GALNT9: variants seen among roughly 807,000 people sequenced by gnomAD.
GALNT9 encodes the protein GalNAc transferase 9.
Under a neutral mutation model 63.1 loss-of-function variants are expected in GALNT9, and 47 were observed. The observed-to-expected ratio is 0.75, with a 90% CI of 0.59 to 0.95. GALNT9 has a LOEUF of 0.95. Ranked by LOEUF, GALNT9 falls within the 40% of genes least tolerant of loss-of-function variation. The pLI is 0.00. For missense variants in GALNT9, 829 were observed against 874.8 expected (o/e 0.95, Z 0.66); for synonymous variants, 396 against 365.7 (o/e 1.08, Z -0.94).
intron 1 of GALNT9, among the ~76,000 whole-genome samples, chr12:132,302,789 C>T (rs1392224097): frequency 2.8e-4 from 42 of 152,282 alleles, no homozygotes; most frequent in Admixed American, 2.4e-3. Context: ...GCATGCAGGT[C>T]AGGGCTGTGG....
At chr12:132,235,219 C>T (rs1242042802) in intron 6 of GALNT9, among the ~76,000 whole-genome samples, 7 of 152,072 alleles carry the variant, frequency 4.6e-5, no homozygotes, top group Non-Finnish European at 7.4e-5. Context: ...GAGGAGACAG[C>T]GTGGAGCTGG....
At chr12:132,230,981 CGATGGAGTGA>C (rs1877870411) in intron 6 of GALNT9, among the ~76,000 whole-genome samples, 1 of 151,888 alleles carries the variant, frequency 6.6e-6, no homozygotes, top group African/African-American at 2.4e-5. Context: ...GCCACACACT[CGATGGAGTGA>C]CAGAGGAGAC....
In GALNT9 at chr12:132,229,006, G is replaced by A. The variant is rs962011560; in HGVS notation, c.1077+18904C>T. On this transcript the variant is annotated intron_variant, in intron 6 of 10. Coordinates refer to ENST00000328957, the MANE Select transcript of GALNT9 (RefSeq NM_001122636.2). ...CCGCCGGTGTGGACGGGTTAGACAC[G>A]GGTGCACAGGAGCCAGGGGCAGAAC... Among the ~76,000 whole-genome samples, 1,450 of 152,230 alleles carry A rather than the reference G, an allele frequency of 9.5e-3. 22 individuals carry two copies. The highest frequency in any genetic ancestry group is 0.033 in the African/African-American group (1,368 of 41,534).
At chr12:132,314,360 C>A (rs782253118) in intron 1 of GALNT9, among the ~76,000 whole-genome samples, 2 of 152,096 alleles carry the variant, frequency 1.3e-5, no homozygotes, top group African/African-American at 4.8e-5. Flanking sequence ...TCTTTGCTAA[C>A]TTTTCTGGGA....
rs1881077156 is a variant in GALNT9, at chr12:132,296,358, A to G, written c.239-9928T>C. ...TGGGATCCAAGAGCAGGAGATGCCC[A>G]CGCTCACCACCCCATCCACTGATGG... is the stretch of plus-strand genomic sequence containing the variant. On this transcript the variant is annotated intron_variant, in intron 1 of 10. Coordinates refer to ENST00000328957, the MANE Select transcript of GALNT9 (RefSeq NM_001122636.2). This position sits in a 1 kb window ranked among gnomAD's most constrained non-coding sequence, Gnocchi z 4.2. Among the ~76,000 whole-genome samples, 1 of 152,202 alleles carries G rather than the reference A, an allele frequency of 6.6e-6. No homozygotes were observed. Among genetic ancestry groups the G allele is most frequent in the African/African-American group, 2.4e-5 (1 of 41,456 alleles).
intron 7 of GALNT9, 82 bp downstream of exon 7, chr12:132,203,423 G>C: frequency 7.3e-7 from 1 of 1,361,622 alleles, no homozygotes; most frequent in Non-Finnish European, 1.0e-6. Context: ...GCCCTAGGGG[G>C]CCTCCCTCCG....
chr12:132,202,625 T>C (rs549343135), intron 7 of GALNT9, among the ~76,000 whole-genome samples: 9 of 152,170 alleles, frequency 5.9e-5, no homozygotes, highest in African/African-American at 1.2e-4. Flanking sequence ...TATGCGTGTG[T>C]GCGCTGGGTC....
intron 6 of GALNT9, among the ~76,000 whole-genome samples, chr12:132,216,074 G>A (rs1018163094): frequency 9.9e-5 from 15 of 152,074 alleles, no homozygotes; most frequent in African/African-American, 3.4e-4. Flanking sequence ...ATAGAGAGAC[G>A]TAGACAGAGA....
Position 132,258,515 on chromosome 12 carries a change from G to A in GALNT9, c.762-629C>T, listed in dbSNP as rs569656777. Among the ~76,000 whole-genome samples the A allele has an allele frequency of 5.9e-5, 9 of 152,328 alleles. No homozygotes were observed. In the East Asian group the frequency reaches 1.4e-3, roughly 23 times the overall value. On this transcript the variant is annotated intron_variant, in intron 4 of 10. Transcript: ENST00000328957. ...GGAGGATGAGGTATAAGCAGTCGTG[G>A]ATGTTGTAGAGGGGGCTCACAGTTT...
chr12:132,288,908 A>G (rs987041988), intron 1 of GALNT9, among the ~76,000 whole-genome samples: 3 of 140,364 alleles, frequency 2.1e-5, no homozygotes, highest in African/African-American at 5.4e-5. Flanking sequence ...CCTGATGCCC[A>G]GCGTTGGACC....
Position 132,304,585 on chromosome 12 carries a change from A to G in GALNT9, c.239-18155T>C, listed in dbSNP as rs1280389332. ...CTCACCGGGGCACACCCTCGCCCGG[A>G]CACGCCCTCACCCGGGCACAGCCTC... is the stretch of plus-strand genomic sequence containing the variant. On this transcript the variant is annotated intron_variant, in intron 1 of 10. Coordinates refer to ENST00000328957, the MANE Select transcript of GALNT9 (RefSeq NM_001122636.2). Among the ~76,000 whole-genome samples, 319 of 18,130 alleles carry G rather than the reference A, an allele frequency of 0.018. 20 individuals are homozygous for G. The East Asian group carries it at 0.4, about 23-fold the overall frequency. The allele number at this position is 18,130 out of a possible 152,430, so 11.9% of individuals were successfully genotyped here. A position where few individuals can be genotyped will look rare whatever the true frequency, so the allele number is the denominator to read the frequency against.
Position 132,263,160 on chromosome 12 carries a change from C to T in GALNT9, c.420-535G>A, listed in dbSNP as rs556891601. Among the ~76,000 whole-genome samples the T allele has an allele frequency of 3.3e-5, 5 of 152,290 alleles. No individual in the cohort carries two copies. In the South Asian group the frequency reaches 6.2e-4, roughly 19 times the overall value. The stretch of plus-strand genomic sequence containing the variant: ...GGGCACAGCCAAGGAGCCAGCCACC[C>T]GCACAGGCAGCCACTTCCCGCCCTG... On this transcript the variant is annotated intron_variant, in intron 2 of 10. Coordinates refer to ENST00000328957, the MANE Select transcript of GALNT9 (RefSeq NM_001122636.2).
At chr12:132,197,995 C>A in intron 9 of GALNT9, 36 bp from the exon 10 acceptor site, 1 of 1,555,038 alleles carries the variant, frequency 6.4e-7, no homozygotes, top group Non-Finnish European at 8.8e-7. Context: ...GTGTGAGCAG[C>A]GCCCAGGCTC....
chr12:132,199,188 C>T lies in GALNT9; in HGVS notation c.1483G>A (p.Gly495Arg), dbSNP rs750733230. ...GCTACTCCTACCTGGGAGGACATCC[C>T]GTGGCAGGGGTAGAGGATCGCCCGG... Reference protein sequence around the residue: ...GDRAILYPCHGMSSQLVRYSA... With the variant: ...GDRAILYPCHRMSSQLVRYSA... The change falls in exon 9 of 11, where the codon GGG becomes AGG. Residue 495 changes from glycine (G) to arginine (R), a missense_variant. Transcript: ENST00000328957. 40 of 1,601,110 alleles carry T rather than the reference C, an allele frequency of 2.5e-5. No individual in the cohort carries two copies. The highest frequency in any genetic ancestry group is 2.2e-4 in the East Asian group (10 of 44,816).
At chr12:132,228,986 G>A (rs1008993563) in intron 6 of GALNT9, among the ~76,000 whole-genome samples, 1 of 152,114 alleles carries the variant, frequency 6.6e-6, no homozygotes, top group South Asian at 2.1e-4. Context: ...AGAGGCCGCC[G>A]GTGTGGACGG....
chr12:132,223,162 C>CCACACAACCCACACCG (rs1395888716), intron 6 of GALNT9, among the ~76,000 whole-genome samples: 1,368 of 27,700 alleles, frequency 0.049, 124 homozygotes, highest in African/African-American at 0.11. Context: ...AACCCACACA[C>CCACACAACCCACACCG]CACACAACCC....
chr12:132,257,920 C>A, intron 4 of GALNT9, 34 bp from the exon 5 acceptor site: 2 of 1,398,582 alleles, frequency 1.4e-6, no homozygotes, highest in Non-Finnish European at 1.9e-6. Flanking sequence ...GGGGCGGCCC[C>A]AGCCCACCGC....
At position 132,314,927 on chromosome 12, in the gene GALNT9, G is replaced by A. The variant is rs562232681; in HGVS notation, c.238+14039C>T. On this transcript the variant is annotated intron_variant, in intron 1 of 10. Coordinates refer to ENST00000328957, the MANE Select transcript of GALNT9 (RefSeq NM_001122636.2). ...GAAATGAGAAACCACAGTAACATCT[G>A]CCGAAGCAGCGCCATCACTTATCAA... 4.6e-5 allele frequency among the ~76,000 whole-genome samples: 7 copies of A among 152,342 alleles called. No individual in the cohort carries two copies. In the East Asian group the frequency reaches 1.4e-3, roughly 29 times the overall value.
intron 4 of GALNT9, 74 bp downstream of exon 4, chr12:132,260,874 G>T: frequency 6.9e-7 from 1 of 1,442,446 alleles, no homozygotes; most frequent in Non-Finnish European, 9.1e-7. Context: ...GGCTGCAGCC[G>T]CACGGCGGCT....
Sources: allele counts gnomAD v4.1 joint callset (sites outside exome capture counted in the v4.1 genomes callset), GRCh38; gene constraint gnomAD v4.1.1; non-coding constraint Gnocchi (gnomAD v3.1); transcripts MANE v1.5; gene names NCBI Gene and HGNC (gene_info 2026-07-23, HGNC 2026-07-21).